The following EPDR1 variants were observed in gnomAD, a reference collection of about 807,000 sequenced individuals.
EPDR1 encodes ependymin related 1.
A neutral mutation model predicts 23.7 loss-of-function variants in EPDR1; 27 were observed. The observed-to-expected ratio is 1.14, with a 90% CI of 0.84 to 1.57. EPDR1 has a LOEUF of 1.57. Ranked by LOEUF, EPDR1 falls within the 40% of genes most tolerant of loss-of-function variation. The pLI, the probability that EPDR1 is intolerant of heterozygous loss-of-function variation, is 0.00. For synonymous variants in EPDR1, 137 were observed against 118.2 expected, an observed-to-expected ratio of 1.16 and a Z score of -1.03; for missense variants, 349 against 290.4, an observed-to-expected ratio of 1.20 and a Z score of -1.47.
chr7:37,928,191 C>T (rs1347457985), intron 1 of EPDR1, among the ~76,000 whole-genome samples: 1 of 152,190 alleles, frequency 6.6e-6, no homozygotes, highest in African/African-American at 2.4e-5. Flanking sequence ...AACATCTTTA[C>T]TTTCTCCAAT....
At chr7:37,932,338 T>C (rs1376238823) in intron 1 of EPDR1, among the ~76,000 whole-genome samples, 3 of 152,170 alleles carry the variant, frequency 2.0e-5, no homozygotes, top group Admixed American at 2.0e-4. Flanking sequence ...CATCTCACTA[T>C]GTTGCCCAAG....
At chr7:37,938,896 T>C (rs1048848298) in intron 1 of EPDR1, among the ~76,000 whole-genome samples, 3 of 152,168 alleles carry the variant, frequency 2.0e-5, no homozygotes, top group East Asian at 1.9e-4. Context: ...AATTGAGCTA[T>C]CTGTGGTGCT....
intron 2 of EPDR1, among the ~76,000 whole-genome samples, chr7:37,949,728 G>C (rs1786357662): frequency 6.6e-6 from 1 of 152,176 alleles, no homozygotes; most frequent in Non-Finnish European, 1.5e-5. Context: ...TTCATCAACA[G>C]ATAAATGGAT....
In EPDR1 at chr7:37,945,872, C is replaced by T. The variant is rs146647981; in HGVS notation, c.270-2968C>T. Among the ~76,000 whole-genome samples, 253 of 152,244 alleles carry T rather than the reference C, an allele frequency of 1.7e-3. 3 individuals carry two copies. Among genetic ancestry groups the T allele is most frequent in the African/African-American group, 5.7e-3 (237 of 41,526 alleles). On this transcript the variant is annotated intron_variant, in intron 1 of 2. Coordinates refer to ENST00000199448, the MANE Select transcript of EPDR1 (RefSeq NM_017549.5). ...CATTAGCTATTCTTACTGATGCTCC[C>T]CCTCCCCCAAGCTCCACCAACAGGC...
rs765572013 is a variant in EPDR1 at position 37,920,879 on chromosome 7, C to G, written c.-61C>G. The G allele has an allele frequency of 1.2e-6, 2 of 1,611,504 alleles. No individual in the cohort carries two copies. The highest frequency in any genetic ancestry group is 2.2e-5 in the East Asian group (1 of 44,826). ...GAGCCGGCGGGAGCCACTCTGATCC[C>G]GGACGCCTCAGCGCCCCCTTGGGCT... is the stretch of plus-strand genomic sequence containing the variant. On this transcript the variant is annotated 5_prime_UTR_variant, in exon 1 of 3. Transcript: ENST00000199448.
intron 1 of EPDR1, among the ~76,000 whole-genome samples, chr7:37,948,110 G>A (rs1470822133): frequency 6.6e-6 from 1 of 152,182 alleles, no homozygotes; most frequent in Non-Finnish European, 1.5e-5. Flanking sequence ...TCCTCAGTGT[G>A]TTCTTGTCCT....
rs1785686063 is a variant in EPDR1, at chr7:37,921,058, G to A, written c.119G>A (p.Arg40His). ...LCSLGAVGAP[R>H]PCQAPQQWEG... ...AGCCTGGGGGCGGTGGGAGCCCCGC[G>A]CCCGTGCCAGGCGCCGCAGCAGTGG... Residue 40 changes from arginine to histidine, a missense_variant, in exon 1 of 3, where the codon CGC becomes CAC. Arg to His is a conservative substitution (Grantham distance 29). Transcript: ENST00000199448. The A allele has an allele frequency of 6.5e-7, 1 of 1,548,874 alleles. No homozygotes were observed. The highest frequency in any genetic ancestry group is 1.2e-5 in the South Asian group (1 of 85,222).
At chr7:37,926,739 A>G in intron 1 of EPDR1, 1 of 452,156 alleles carries the variant, frequency 2.2e-6, no homozygotes, top group South Asian at 1.6e-5. Flanking sequence ...GTTCACTTTG[A>G]TCACCTGATT....
At chr7:37,948,535 CA>C (rs1786329104) in intron 1 of EPDR1, among the ~76,000 whole-genome samples, 2 of 151,794 alleles carry the variant, frequency 1.3e-5, no homozygotes. Context: ...TTTCTAGAGA[CA>C]GGGGTCTCAC....
chr7:37,926,637 G>A (rs1245287396), intron 1 of EPDR1: 5 of 451,068 alleles, frequency 1.1e-5, no homozygotes, highest in Non-Finnish European at 2.2e-5. Context: ...CCTTGATTTG[G>A]GTTTGTCTGA....
chr7:37,950,306 G>A lies in EPDR1; in HGVS notation c.585G>A (p.Gln195=), dbSNP rs201453783. 2 of 1,613,978 alleles carry A rather than the reference G, an allele frequency of 1.2e-6. No homozygotes were observed. Among genetic ancestry groups the A allele is most frequent in the South Asian group, 1.1e-5 (1 of 91,060 alleles). The change falls in exon 3 of 3, where the codon CAG becomes CAA. Residue 195 remains glutamine, a synonymous_variant. Transcript: ENST00000199448. The part of the protein sequence containing the change: ...VILSTRFFDI[Q]LGIKDPSVFT... ...TGTCTACGCGGTTTTTTGACATCCA[G>A]CTGGGTATTAAAGACCCCTCGGTGT...
At chr7:37,944,084 G>A (rs566008328) in intron 1 of EPDR1, among the ~76,000 whole-genome samples, 2 of 152,276 alleles carry the variant, frequency 1.3e-5, no homozygotes, top group Non-Finnish European at 2.9e-5. Context: ...AGCATAAAAA[G>A]CTGCAAGCCA....
Position 37,950,397 on chromosome 7 carries a change from G to C in EPDR1, c.*1G>C, listed in dbSNP as rs1212439414. On this transcript the variant is annotated 3_prime_UTR_variant, in exon 3 of 3. Coordinates refer to ENST00000199448, the MANE Select transcript of EPDR1 (RefSeq NM_017549.5). ...GATGAGCGAAGACTGCTCCTGGTGAGCCTGTGCATAGGGAAGCGGCAGCAT... is the reference window on the plus strand; with the variant it reads ...GATGAGCGAAGACTGCTCCTGGTGACCCTGTGCATAGGGAAGCGGCAGCAT... The C allele has an allele frequency of 6.2e-7, 1 of 1,610,318 alleles. No homozygotes were observed. Among genetic ancestry groups the C allele is most frequent in the Admixed American group, 1.7e-5 (1 of 59,682 alleles).
rs901312434 is a variant in EPDR1, at chr7:37,920,944, C to T, written c.5C>T (p.Pro2Leu). 4 of 1,605,560 alleles carry T rather than the reference C, an allele frequency of 2.5e-6. No individual in the cohort carries two copies. Among genetic ancestry groups the T allele is most frequent in the Non-Finnish European group, 3.4e-6 (4 of 1,177,236 alleles). Residue 2 changes from proline (P) to leucine (L), a missense_variant, in exon 1 of 3, where the codon CCA becomes CTA. Physicochemically the swap from Pro to Leu is moderately conservative, Grantham distance 98 (BLOSUM62 -3). Transcript: ENST00000199448. M[P>L]GRAPLRTVPG... ...GGCCGGGGAAGGCTGACCGCGATGC[C>T]AGGACGCGCTCCCCTCCGCACCGTC... is the stretch of plus-strand genomic sequence containing the variant.
intron 1 of EPDR1, among the ~76,000 whole-genome samples, chr7:37,942,482 A>G (rs1162155653): frequency 1.3e-5 from 2 of 152,176 alleles, no homozygotes; most frequent in Non-Finnish European, 2.9e-5. Flanking sequence ...TAGAGTTTCA[A>G]TTTTGCAAGA....
intron 1 of EPDR1, among the ~76,000 whole-genome samples, chr7:37,931,284 C>A (rs563457089): frequency 2.6e-5 from 4 of 152,034 alleles, no homozygotes; most frequent in African/African-American, 9.7e-5. Context: ...GAGGCCGAGG[C>A]GGGTGGATCA....
chr7:37,929,831 C>G (rs1418098899), intron 1 of EPDR1, among the ~76,000 whole-genome samples: 1 of 152,208 alleles, frequency 6.6e-6, no homozygotes, highest in Non-Finnish European at 1.5e-5. Context: ...CCACTGCCCT[C>G]TCATCAAACA....
At chr7:37,946,890 T>C (rs1786287553) in intron 1 of EPDR1, among the ~76,000 whole-genome samples, 1 of 152,192 alleles carries the variant, frequency 6.6e-6, no homozygotes, top group African/African-American at 2.4e-5. Flanking sequence ...ATTTGTGTTT[T>C]AAGCTGTCTT....
intron 1 of EPDR1, among the ~76,000 whole-genome samples, chr7:37,929,900 G>A (rs1785897175): frequency 6.6e-6 from 1 of 152,096 alleles, no homozygotes; most frequent in South Asian, 2.1e-4. Context: ...CACCCAATGT[G>A]GGCATTTGAG....
Sources: gnomAD v4.1 joint callset for allele counts (sites outside exome capture counted in the v4.1 genomes callset) on GRCh38, gnomAD v4.1.1 for gene constraint, MANE v1.5 for transcripts, NCBI Gene and HGNC (gene_info 2026-07-23, HGNC 2026-07-21) for gene names.